NUTM2G: variants seen among roughly 807,000 people sequenced by gnomAD.
NUTM2G encodes family with sequence similarity 22, member G.
NUTM2G carries 29 observed loss-of-function variants against 44.3 expected under a neutral mutation model. That is an observed-to-expected ratio of 0.66 (90% CI 0.49 to 0.89). The LOEUF is 0.89. Ranked by LOEUF, NUTM2G falls within the 40% of genes least tolerant of loss-of-function variation. The pLI, the probability that NUTM2G is intolerant of heterozygous loss-of-function variation, is 0.00. For missense variants in NUTM2G, 502 were observed against 946.5 expected (o/e 0.53, Z 6.16); for synonymous variants, 205 against 395.9 (o/e 0.52, Z 5.72).
At chr9:96,940,870 GA>G (rs1294539565), downstream of NUTM2G, among the ~76,000 whole-genome samples, 3 of 152,284 alleles carry the variant, frequency 2.0e-5, no homozygotes, top group Non-Finnish European at 2.9e-5. Context: ...GGCAGTGTCG[GA>G]GGCCTGCCAC....
rs573653882 is a variant in NUTM2G at position 96,932,978 on chromosome 9, C to CTTTTTTT, written c.713+571_713+577dup. ...TACTTACTTTCTTTTCTTTTCTTTT[C>CTTTTTTT]TTTTTTTTTTTTTTTTTGAGATGGA... On this transcript the variant is annotated intron_variant, in intron 2 of 6. Transcript: ENST00000372322. Among the ~76,000 whole-genome samples the CTTTTTTT allele has an allele frequency of 5.4e-5, 7 of 129,440 alleles. No individual in the cohort carries two copies. In the East Asian group the frequency reaches 1.4e-3, roughly 25 times the overall value. The allele number at this position is 129,440 out of a possible 152,430, so 84.9% of individuals were successfully genotyped here.
intron 1 of NUTM2G, among the ~76,000 whole-genome samples, chr9:96,931,070 T>C (rs1826229441): frequency 6.6e-6 from 1 of 151,620 alleles, no homozygotes; most frequent in Non-Finnish European, 1.5e-5. Flanking sequence ...TGTATTTTAG[T>C]AGAGATGGGG....
rs765229234 is a variant in NUTM2G, at chr9:96,938,556, C to T, written c.1633C>T (p.Gln545Ter). The change falls in exon 7 of 7, where the codon CAG becomes TAG. Residue 545 changes from glutamine to a stop codon, truncating the protein, a stop_gained. Transcript: ENST00000372322. LOFTEE classifies it low-confidence loss of function (END_TRUNC). ...SPPQTAAQDPQGQGRVRTGMA... is the reference protein window; with the variant it reads ...SPPQTAAQDP ...ACCCCAGACGGCTGCCCAGGACCCTCAGGGACAGGGCAGAGTGCGCACTGG... is the reference window on the plus strand; with the variant it reads ...ACCCCAGACGGCTGCCCAGGACCCTTAGGGACAGGGCAGAGTGCGCACTGG... 2.0e-5 allele frequency: 33 copies of T among 1,613,626 alleles called. No homozygotes were observed. The highest frequency in any genetic ancestry group is 2.5e-5 in the Non-Finnish European group (30 of 1,179,704).
intron 2 of NUTM2G, among the ~76,000 whole-genome samples, 178 bp downstream of exon 2, chr9:96,932,596 G>A (rs1279971986): frequency 1.3e-5 from 2 of 152,124 alleles, no homozygotes; most frequent in Non-Finnish European, 2.9e-5. Context: ...AGGACAGACT[G>A]TCAGGGGCCT....
chr9:96,933,423 T>A (rs1826333956), intron 2 of NUTM2G: 1 of 150,938 alleles, frequency 6.6e-6, no homozygotes, highest in Non-Finnish European at 1.5e-5. Context: ...CAGGCTGGAG[T>A]GCAATGGTGC....
chr9:96,935,241 G>T, intron 2 of NUTM2G, 87 bp from the exon 3 acceptor site: 3 of 1,577,712 alleles, frequency 1.9e-6, no homozygotes, highest in Non-Finnish European at 2.6e-6. Flanking sequence ...GACAGGTGTG[G>T]GGAGGACAGG....
chr9:96,930,871 GGTTT>G (rs1826217475), intron 1 of NUTM2G, among the ~76,000 whole-genome samples: 1 of 104,404 alleles, frequency 9.6e-6, no homozygotes, highest in African/African-American at 3.7e-5. Flanking sequence ...TCCATCCAGT[GGTTT>G]TTTTTTTTTT....
intron 3 of NUTM2G, 78 bp from the exon 4 acceptor site, chr9:96,936,347 T>C (rs1826427353): frequency 6.5e-7 from 1 of 1,536,292 alleles, no homozygotes; most frequent in Admixed American, 2.0e-5. Flanking sequence ...CTCCCATCCC[T>C]GCCCTCGGCT....
At chr9:96,940,292 G>C (rs1003472372), downstream of NUTM2G, 1 of 154,390 alleles carries the variant, frequency 6.5e-6, no homozygotes, top group Non-Finnish European at 1.4e-5. Flanking sequence ...TGGCTGTCTG[G>C]AAGTGCCCTG....
At chr9:96,930,881 T>G (rs1219325801) in intron 1 of NUTM2G, among the ~76,000 whole-genome samples, 8 of 64,234 alleles carry the variant, frequency 1.2e-4, no homozygotes, top group East Asian at 3.7e-4. Flanking sequence ...GGTTTTTTTT[T>G]TTTTTTTTTT....
At chr9:96,940,765 A>G (rs1826571695), downstream of NUTM2G, among the ~76,000 whole-genome samples, 1 of 152,066 alleles carries the variant, frequency 6.6e-6, no homozygotes, top group South Asian at 2.1e-4. Flanking sequence ...TGACAAAGGG[A>G]GCCATGTTTG....
At chr9:96,929,289 T>C (rs1336457231) in intron 1 of NUTM2G, among the ~76,000 whole-genome samples, 1 of 152,244 alleles carries the variant, frequency 6.6e-6, no homozygotes, top group East Asian at 1.9e-4. Context: ...AGAGGATGGC[T>C]TGATCCTTTC....
At chr9:96,936,243 A>G (rs1826424819) in intron 3 of NUTM2G, among the ~76,000 whole-genome samples, 182 bp from the exon 4 acceptor site, 1 of 151,288 alleles carries the variant, frequency 6.6e-6, no homozygotes, top group Non-Finnish European at 1.5e-5. Flanking sequence ...GGGCCGGGTG[A>G]GGGAGGGTGA....
intron 2 of NUTM2G, among the ~76,000 whole-genome samples, chr9:96,934,345 G>A (rs1051921478): frequency 6.6e-6 from 1 of 152,222 alleles, no homozygotes; most frequent in Non-Finnish European, 1.5e-5. Flanking sequence ...CCTGCCTGGG[G>A]TGTAGGTGAA....
chr9:96,936,540 G>A lies in NUTM2G; in HGVS notation c.958G>A (p.Ala320Thr). 1 of 1,554,386 alleles carries A rather than the reference G, an allele frequency of 6.4e-7. No homozygotes were observed. Among genetic ancestry groups the A allele is most frequent in the Non-Finnish European group, 8.6e-7 (1 of 1,157,844 alleles). Residue 320 changes from alanine to threonine, a missense_variant, in exon 4 of 7, where the codon GCC becomes ACC. Physicochemically the swap from Ala to Thr is moderately conservative, Grantham distance 58 (BLOSUM62 0). Transcript: ENST00000372322. Reference protein sequence around the residue: ...PPRLEPRGPPAPEVVKQPVYL... With the variant: ...PPRLEPRGPPTPEVVKQPVYL... ...GAGGCTTGAACCTCGAGGACCCCCT[G>A]CCCCTGAGGTGGTCAAGCAGCCAGG...
chr9:96,942,940 T>C (rs1826629046), downstream of NUTM2G: 1 of 150,636 alleles, frequency 6.6e-6, no homozygotes, highest in African/African-American at 2.5e-5. Flanking sequence ...TATTTACTCC[T>C]TTATAATGTG....
intron 5 of NUTM2G, among the ~76,000 whole-genome samples, chr9:96,937,668 A>ATGGGTCTG (rs1826482671): frequency 6.6e-6 from 1 of 150,606 alleles, no homozygotes; most frequent in Non-Finnish European, 1.5e-5. Flanking sequence ...TGTGTTGTAC[A>ATGGGTCTG]TGGGTCTGTG....
At chr9:96,934,735 T>G (rs1318959831) in intron 2 of NUTM2G, among the ~76,000 whole-genome samples, 1 of 151,864 alleles carries the variant, frequency 6.6e-6, no homozygotes, top group Non-Finnish European at 1.5e-5. Flanking sequence ...GGTGTCTCAG[T>G]CAGCTCAGGC....
chr9:96,942,082 C>T (rs1588208697), downstream of NUTM2G, among the ~76,000 whole-genome samples: 1 of 151,894 alleles, frequency 6.6e-6, no homozygotes, highest in African/African-American at 2.4e-5. Flanking sequence ...GGCAGGTTTG[C>T]CTCCAGAAAC....
Sources: gnomAD v4.1 joint callset for allele counts (sites outside exome capture counted in the v4.1 genomes callset) on GRCh38, gnomAD v4.1.1 for gene constraint, MANE v1.5 for transcripts, NCBI Gene and HGNC (gene_info 2026-07-23, HGNC 2026-07-21) for gene names.